Variants in AKAP6 observed in about 807,000 individuals in gnomAD.
AKAP6 encodes the protein A-kinase anchoring protein 6, also known as A-kinase anchor protein 6.
Under a neutral mutation model 188.5 loss-of-function variants are expected in AKAP6, and 58 were observed. The observed-to-expected ratio is 0.31, with a 90% CI of 0.25 to 0.38. The LOEUF (loss-of-function observed/expected upper bound fraction) is 0.38, where lower values mean the gene tolerates loss of function less well. Ranked by LOEUF, AKAP6 falls within the 10% of genes least tolerant of loss-of-function variation. The pLI, the probability that AKAP6 is intolerant of heterozygous loss-of-function variation, is 1.00. For missense variants in AKAP6, 2,710 were observed against 2,740.0 expected, an observed-to-expected ratio of 0.99 and a Z score of 0.24; for synonymous variants, 989 against 998.6, an observed-to-expected ratio of 0.99 and a Z score of 0.18.
chr14:32,474,572 CA>C (rs1878959502), intron 2 of AKAP6: 1 of 152,212 alleles, frequency 6.6e-6, no homozygotes, highest in South Asian at 2.1e-4. Context: ...AACAATCTGA[CA>C]AACTTATTTG....
chr14:32,500,597 A>G (rs539173911), intron 2 of AKAP6, among the ~76,000 whole-genome samples: 2 of 152,290 alleles, frequency 1.3e-5, no homozygotes, highest in East Asian at 3.9e-4. Flanking sequence ...TTGCCAGTGT[A>G]GGTGCTAATA....
chr14:32,417,462 C>T (rs1338588580), intron 1 of AKAP6, among the ~76,000 whole-genome samples: 1 of 152,136 alleles, frequency 6.6e-6, no homozygotes, highest in Admixed American at 6.5e-5. Flanking sequence ...CCACGTATTT[C>T]TCTGTAAAAT....
intron 1 of AKAP6, among the ~76,000 whole-genome samples, chr14:32,359,587 C>T (rs1050259519): frequency 4.1e-4 from 62 of 150,484 alleles, no homozygotes; most frequent in African/African-American, 1.5e-3. Context: ...CATTAATACC[C>T]TCTTTTCTGT....
In AKAP6 at chr14:32,533,417, C is replaced by CA. The variant is rs879674402; in HGVS notation, c.325-2137_325-2136insA. On this transcript the variant is annotated intron_variant, in intron 2 of 13. Coordinates refer to ENST00000280979, the MANE Select transcript of AKAP6 (RefSeq NM_004274.5). ...TCCCCCATCATCCCTACTATAGTGTCTCAGGTGAGGACTGGGAGAATGAGC... is the reference window on the plus strand; with the variant it reads ...TCCCCCATCATCCCTACTATAGTGTCATCAGGTGAGGACTGGGAGAATGAGC... Among the ~76,000 whole-genome samples the CA allele has an allele frequency of 1.4e-3, 209 of 152,232 alleles. 2 individuals are homozygous for CA. Among genetic ancestry groups the CA allele is most frequent in the Admixed American group, 0.012 (181 of 15,294 alleles).
At chr14:32,641,745 A>G (rs1887766989) in intron 7 of AKAP6, among the ~76,000 whole-genome samples, 3 of 152,158 alleles carry the variant, frequency 2.0e-5, no homozygotes, top group Admixed American at 2.0e-4. Flanking sequence ...TGAGGAAACT[A>G]AAAATGGTGT....
chr14:32,746,872 G>C (rs556813062), intron 11 of AKAP6, among the ~76,000 whole-genome samples: 6 of 152,122 alleles, frequency 3.9e-5, no homozygotes, highest in African/African-American at 1.4e-4. Context: ...TTGACAGCCG[G>C]CTGGAGGAAG....
At position 32,404,712 on chromosome 14, in the gene AKAP6, T is replaced by TATATA. The variant is rs1491351629; in HGVS notation, c.-34-28747_-34-28746insTATAA. Among the ~76,000 whole-genome samples the TATATA allele has an allele frequency of 1.9e-4, 2 of 10,536 alleles. 1 individual carries two copies. Among genetic ancestry groups the TATATA allele is most frequent in the Non-Finnish European group, 5.2e-4 (2 of 3,862 alleles). The allele number at this position is 10,536 out of a possible 152,430, so 6.9% of individuals were successfully genotyped here. On this transcript the variant is annotated intron_variant, in intron 1 of 13. Transcript: ENST00000280979. ...AGGAGATATATATATATATATATAT[T>TATATA]AGTCAGAATGTCAGCAGGAAATAGT...
chr14:32,632,931 A>G (rs1310396404), intron 7 of AKAP6, among the ~76,000 whole-genome samples: 1 of 152,140 alleles, frequency 6.6e-6, no homozygotes, highest in African/African-American at 2.4e-5. Context: ...TTTGTATCAC[A>G]TATATTTTGT....
intron 1 of AKAP6, among the ~76,000 whole-genome samples, chr14:32,395,331 AGT>A (rs1053607853): frequency 1.3e-5 from 2 of 152,136 alleles, no homozygotes; most frequent in African/African-American, 2.4e-5. Context: ...ATTAGTAGCA[AGT>A]TACTTTCAAC....
At chr14:32,638,735 A>T (rs1171580693) in intron 7 of AKAP6, among the ~76,000 whole-genome samples, 2 of 151,916 alleles carry the variant, frequency 1.3e-5, no homozygotes, top group Admixed American at 1.3e-4. Flanking sequence ...GGTTGTTGGT[A>T]GGGTAGAGGG....
chr14:32,721,607 T>G (rs1364315488), intron 9 of AKAP6, among the ~76,000 whole-genome samples: 2 of 152,212 alleles, frequency 1.3e-5, no homozygotes, highest in Non-Finnish European at 2.9e-5. Context: ...TGCCCTTTCT[T>G]TTGGTTCTCT....
chr14:32,353,427 G>A (rs1334981449), intron 1 of AKAP6, among the ~76,000 whole-genome samples: 1 of 152,116 alleles, frequency 6.6e-6, no homozygotes, highest in African/African-American at 2.4e-5. Flanking sequence ...TGGGTGTGGT[G>A]GCGGGCGCCT....
At chr14:32,524,151 C>G (rs1372018523) in intron 2 of AKAP6, among the ~76,000 whole-genome samples, 2 of 139,632 alleles carry the variant, frequency 1.4e-5, no homozygotes, top group Non-Finnish European at 3.2e-5. Flanking sequence ...CAGCAAGAGC[C>G]TGTTTCAAAA....
chr14:32,782,317 A>G (rs951767935), intron 12 of AKAP6, among the ~76,000 whole-genome samples: 2 of 152,106 alleles, frequency 1.3e-5, no homozygotes, highest in African/African-American at 4.8e-5. Context: ...ATAGGAAAAA[A>G]CAGAATACTT....
At chr14:32,675,905 G>T (rs968109716) in intron 7 of AKAP6, among the ~76,000 whole-genome samples, 1 of 152,194 alleles carries the variant, frequency 6.6e-6, no homozygotes, top group Non-Finnish European at 1.5e-5. Context: ...TTACAGAGAT[G>T]AATGCAGATT....
chr14:32,477,797 GT>G (rs1229335361), intron 2 of AKAP6, among the ~76,000 whole-genome samples: 6 of 152,134 alleles, frequency 3.9e-5, no homozygotes, highest in Admixed American at 3.9e-4. Flanking sequence ...AACTGTCTGG[GT>G]TCAGATTCCA....
chr14:32,546,011 G>T lies in AKAP6; in HGVS notation c.1358G>T (p.Ser453Ile), dbSNP rs571728105. Residue 453 changes from serine (S) to isoleucine (I), a missense_variant, in exon 4 of 14, where the codon AGC (serine) becomes ATC (isoleucine). By Grantham distance (142) the Ser-to-Ile change is moderately radical. This residue lies in a region of AKAP6 where 2,473 missense variants were observed against 2,426.1 expected (regional missense o/e 1.02). Coordinates refer to ENST00000280979, the MANE Select transcript of AKAP6 (RefSeq NM_004274.5). ...SSYPNSPSAA[S>I]QSYECLHKVG... ...TACCCCAACAGCCCTTCTGCTGCCAGCCAGTCTTATGAGTGTTTACACAAG... is the reference window on the plus strand; with the variant it reads ...TACCCCAACAGCCCTTCTGCTGCCATCCAGTCTTATGAGTGTTTACACAAG... The T allele has an allele frequency of 6.2e-7, 1 of 1,614,130 alleles. No homozygotes were observed. Among genetic ancestry groups the T allele is most frequent in the South Asian group, 1.1e-5 (1 of 91,080 alleles).
chr14:32,680,767 T>C (rs894853316), intron 8 of AKAP6, among the ~76,000 whole-genome samples: 8 of 152,246 alleles, frequency 5.3e-5, no homozygotes, highest in Non-Finnish European at 1.2e-4. Flanking sequence ...TAGAAATGAA[T>C]ATATAACCTC....
chr14:32,575,710 G>A (rs1308524850), intron 4 of AKAP6, among the ~76,000 whole-genome samples: 1 of 152,120 alleles, frequency 6.6e-6, no homozygotes, highest in Non-Finnish European at 1.5e-5. Flanking sequence ...ACTCTCCTTG[G>A]AGACTTGGTA....
Sources: gnomAD v4.1 joint callset for allele counts (sites outside exome capture counted in the v4.1 genomes callset) on GRCh38, gnomAD v4.1.1 for gene constraint, gnomAD v4.1.1 regional missense constraint, MANE v1.5 for transcripts, NCBI Gene and HGNC (gene_info 2026-07-23, HGNC 2026-07-21) for gene names.